Variants in TOR1A observed in about 807,000 individuals in gnomAD.
The protein encoded by TOR1A is torsin family 1 member A.
TOR1A carries 18 observed loss-of-function variants against 31.4 expected under a neutral mutation model. The ratio of observed to expected loss-of-function variants is 0.57; its 90% confidence interval spans 0.40 to 0.85. The LOEUF is 0.85. Among genes scored for constraint, TOR1A ranks in the 40% least tolerant of loss-of-function variants. The probability of loss-of-function intolerance (pLI) is 0.00; values close to 1 mark genes in which losing one functional copy is unlikely to be tolerated. For missense variants in TOR1A, 375 were observed against 416.4 expected (o/e 0.90, Z 0.87); for synonymous variants, 168 against 165.9 (o/e 1.01, Z -0.10).
At chr9:129,823,863 C>T in intron 1 of TOR1A, 45 bp downstream of exon 1, 1 of 1,529,562 alleles carries the variant, frequency 6.5e-7, no homozygotes, top group Non-Finnish European at 8.8e-7. Flanking sequence ...TGCCATCGCC[C>T]AGCCCCAGCC....
chr9:129,815,048 C>T (rs1044328075), intron 4 of TOR1A, among the ~76,000 whole-genome samples: 2 of 152,208 alleles, frequency 1.3e-5, no homozygotes, highest in African/African-American at 4.8e-5. Flanking sequence ...AACTCCTGAC[C>T]CAGGACACTT....
intron 4 of TOR1A, 142 bp from the exon 5 acceptor site, chr9:129,814,364 G>A: frequency 7.8e-7 from 1 of 1,287,948 alleles, no homozygotes; most frequent in Non-Finnish European, 1.1e-6. Context: ...CACACCTACT[G>A]GGGGTCACCC....
chr9:129,823,898 C>T lies in TOR1A; in HGVS notation c.178+10G>A. 6.4e-7 allele frequency: 1 copy of T among 1,565,804 alleles called. No homozygotes were observed. The highest frequency in any genetic ancestry group is 8.6e-7 in the Non-Finnish European group (1 of 1,156,996). The stretch of plus-strand genomic sequence containing the variant: ...CCCAGCCCCAGCCTCCAGCCCCCGC[C>T]CCAGCCTACCCTCCCGGCTAAGGCT... On this transcript the variant is annotated intron_variant, in intron 1 of 4. Coordinates refer to ENST00000351698, the MANE Select transcript of TOR1A (RefSeq NM_000113.3).
chr9:129,823,757 C>A lies in TOR1A; in HGVS notation c.178+151G>T, dbSNP rs1450072641. ...AGTGCCATCGCCCAGCCCCAGCCCC[C>A]AGGCCCCGCTCCAGCCCTAGTCCTA... On this transcript the variant is annotated intron_variant, in intron 1 of 4. Coordinates refer to ENST00000351698, the MANE Select transcript of TOR1A (RefSeq NM_000113.3). 4.4e-5 allele frequency: 44 copies of A among 990,790 alleles called. No individual in the cohort carries two copies. The East Asian group carries it at 1.2e-3, about 26-fold the overall frequency. The allele number at this position is 990,790 out of a possible 1,614,324, so 61.4% of individuals were successfully genotyped here.
Position 129,813,921 on chromosome 9 carries a change from G to C in TOR1A, c.*51C>G. ...GGGTGGAAGTGTGGAAGGACTGAGTGTTGTTTCTTTTCCAACTCCAGGCAG... is the reference window on the plus strand; with the variant it reads ...GGGTGGAAGTGTGGAAGGACTGAGTCTTGTTTCTTTTCCAACTCCAGGCAG... On this transcript the variant is annotated 3_prime_UTR_variant, in exon 5 of 5. Transcript: ENST00000351698. The C allele has an allele frequency of 6.2e-7, 1 of 1,608,666 alleles. No homozygotes were observed. The highest frequency in any genetic ancestry group is 8.5e-7 in the Non-Finnish European group (1 of 1,178,886).
intron 2 of TOR1A, among the ~76,000 whole-genome samples, chr9:129,821,114 C>A (rs1033116418): frequency 1.3e-5 from 2 of 152,238 alleles, no homozygotes; most frequent in South Asian, 2.1e-4. Context: ...ACCAGCCTGG[C>A]CAACAAGGTG....
At chr9:129,823,754 C>T (rs1303265818) in intron 1 of TOR1A, among the ~76,000 whole-genome samples, 154 bp downstream of exon 1, 1 of 141,012 alleles carries the variant, frequency 7.1e-6, no homozygotes, top group South Asian at 2.4e-4. Context: ...CAGCCCCAGC[C>T]CCCAGGCCCC....
chr9:129,822,554 G>T (rs745829479), intron 2 of TOR1A, 27 bp downstream of exon 2: 2 of 1,613,850 alleles, frequency 1.2e-6, no homozygotes, highest in Admixed American at 3.3e-5. Context: ...TGACATCCAG[G>T]AAGGGATTCC....
At chr9:129,818,320 C>T in intron 4 of TOR1A, 200 bp downstream of exon 4, 1 of 754,898 alleles carries the variant, frequency 1.3e-6, no homozygotes. Context: ...AATAAAACAG[C>T]ACTTGTCAAA....
At chr9:129,817,714 A>C (rs951007665) in intron 4 of TOR1A, among the ~76,000 whole-genome samples, 2 of 144,628 alleles carry the variant, frequency 1.4e-5, no homozygotes, top group Admixed American at 6.9e-5. Flanking sequence ...AAAAAAAAAA[A>C]CAGCAGGCCA....
chr9:129,821,158 C>A (rs2031176046), intron 2 of TOR1A, among the ~76,000 whole-genome samples: 1 of 152,020 alleles, frequency 6.6e-6, no homozygotes, highest in African/African-American at 2.4e-5. Context: ...CAAAAATTAG[C>A]TGGGTGTGGT....
At chr9:129,814,588 T>C (rs886440717) in intron 4 of TOR1A, among the ~76,000 whole-genome samples, 3 of 151,238 alleles carry the variant, frequency 2.0e-5, no homozygotes, top group South Asian at 4.2e-4. Flanking sequence ...CACCTGCACA[T>C]TGTAATGCTT....
chr9:129,823,669 C>G lies in TOR1A; in HGVS notation c.178+239G>C, dbSNP rs1286573885. On this transcript the variant is annotated intron_variant, in intron 1 of 4. Transcript: ENST00000351698. ...CCAGCCCTAGTGCGATCCCCCAGCC[C>G]CACCCCCAGCCCCCGGGCCCCGCTC... 5.6e-5 allele frequency: 8 copies of G among 142,676 alleles called. No individual in the cohort carries two copies. The South Asian group carries it at 1.1e-3, about 19-fold the overall frequency. 8.8% of individuals were successfully genotyped at this position (142,676 alleles called of 1,614,324 possible). A position where few individuals can be genotyped will look rare whatever the true frequency, so the allele number is the denominator to read the frequency against.
At position 129,822,706 on chromosome 9, in the gene TOR1A, C is replaced by T. The variant is rs749179208; in HGVS notation, c.319G>A (p.Gly107Ser). 1.2e-6 allele frequency: 2 copies of T among 1,614,158 alleles called. No individual in the cohort carries two copies. Among genetic ancestry groups the T allele is most frequent in the Non-Finnish European group, 1.7e-6 (2 of 1,180,036 alleles). Residue 107 changes from glycine to serine, a missense_variant, in exon 2 of 5, where the codon GGC (glycine) becomes AGC (serine). Gly to Ser is a moderately conservative substitution (Grantham distance 56, BLOSUM62 0). Coordinates refer to ENST00000351698, the MANE Select transcript of TOR1A (RefSeq NM_000113.3). The stretch of plus-strand genomic sequence containing the variant: ...ATGATCTTGCTGACGAAATTTTTGC[C>T]GGTGCCTGTCCACCCGTGCAGGGAG... ...TLSLHGWTGTGKNFVSKIIAE... is the reference protein window; with the variant it reads ...TLSLHGWTGTSKNFVSKIIAE...
At chr9:129,819,017 A>T in intron 2 of TOR1A, 97 bp from the exon 3 acceptor site, 1 of 1,380,252 alleles carries the variant, frequency 7.2e-7, no homozygotes, top group South Asian at 1.2e-5. Flanking sequence ...CTTACAGACC[A>T]CTGTGCACTC....
At chr9:129,817,249 C>A (rs1030154621) in intron 4 of TOR1A, among the ~76,000 whole-genome samples, 2 of 152,154 alleles carry the variant, frequency 1.3e-5, no homozygotes, top group South Asian at 2.1e-4. Context: ...GTGCCCAGTA[C>A]AAAATAAGGG....
At position 129,824,127 on chromosome 9, in the gene TOR1A, G is replaced by A. The variant is rs978712276; in HGVS notation, c.-42C>T. On this transcript the variant is annotated 5_prime_UTR_variant, in exon 1 of 5. Transcript: ENST00000351698. Reference sequence around the variant, plus strand: ...CCCTGCTTGTTCTCGCGCCGACCGCGAACCGGTGCAGCCGCCAGACCCACG... The same window carrying A: ...CCCTGCTTGTTCTCGCGCCGACCGCAAACCGGTGCAGCCGCCAGACCCACG... 9.8e-6 allele frequency: 15 copies of A among 1,537,590 alleles called. No homozygotes were observed. In the African/African-American group the frequency reaches 1.6e-4, roughly 17 times the overall value.
intron 4 of TOR1A, 112 bp from the exon 5 acceptor site, chr9:129,814,334 G>A: frequency 6.5e-7 from 1 of 1,533,320 alleles, no homozygotes; most frequent in Non-Finnish European, 8.9e-7. Context: ...GTCTACTGGG[G>A]GTCACCTATC....
Position 129,818,642 on chromosome 9 carries a change from G to T in TOR1A, c.626C>A (p.Ala209Asp). Residue 209 changes from alanine (A) to aspartate (D), a missense_variant, in exon 4 of 5, where the codon GCT becomes GAT. Transcript: ENST00000351698. Reference protein sequence around the residue: ...QKAMFIFLSNAGAERITDVAL... With the variant: ...QKAMFIFLSNDGAERITDVAL... ...CACATCTGTGATCCTTTCTGCTCCAGCATTGCTGCAAAACAATCCCAGTGG... is the reference window on the plus strand; with the variant it reads ...CACATCTGTGATCCTTTCTGCTCCATCATTGCTGCAAAACAATCCCAGTGG... The T allele has an allele frequency of 6.2e-7, 1 of 1,614,226 alleles. No individual in the cohort carries two copies. The highest frequency in any genetic ancestry group is 1.1e-5 in the South Asian group (1 of 91,088).
Sources: allele counts gnomAD v4.1 joint callset (sites outside exome capture counted in the v4.1 genomes callset), GRCh38; gene constraint gnomAD v4.1.1; transcripts MANE v1.5; gene names NCBI Gene and HGNC (gene_info 2026-07-23, HGNC 2026-07-21).